UBP1: variants seen among roughly 807,000 people sequenced by gnomAD.
The protein encoded by UBP1 is upstream binding protein 1, also known as upstream-binding protein 1.
UBP1 carries 22 observed loss-of-function variants against 76.1 expected under a neutral mutation model. That is an observed-to-expected ratio of 0.29 (90% CI 0.21 to 0.41). The LOEUF is 0.41. Ranked by LOEUF, UBP1 falls within the 10% of genes least tolerant of loss-of-function variation. The pLI is 1.00. For synonymous variants in UBP1, 224 were observed against 237.1 expected (o/e 0.94, Z 0.51); for missense variants, 436 against 668.1 (o/e 0.65, Z 3.83).
Position 33,392,561 on chromosome 3 carries a change from ACCTTTT to A in UBP1, c.1581_1585+1del. The A allele has an allele frequency of 6.2e-7, 1 of 1,610,914 alleles. No individual in the cohort carries two copies. Among genetic ancestry groups the A allele is most frequent in the Admixed American group, 1.7e-5 (1 of 59,652 alleles). On this transcript the variant is annotated splice_donor_variant and coding_sequence_variant, in exon 15 of 16. Transcript: ENST00000283629. LOFTEE classifies it high-confidence loss of function. ...TTTAAGACACACACACATGCAAAGT[ACCTTTT>A]ACTGTGGAGAATAAAAAACAACTCT...
rs1275740052 is a variant in UBP1 at position 33,409,158 on chromosome 3, G to C, written c.819+78C>G. 4 of 1,372,610 alleles carry C rather than the reference G, an allele frequency of 2.9e-6. No individual in the cohort carries two copies. The African/African-American group carries it at 5.8e-5, about 20-fold the overall frequency. 85.0% of individuals were successfully genotyped at this position (1,372,610 alleles called of 1,614,324 possible). On this transcript the variant is annotated intron_variant, in intron 7 of 15. Transcript: ENST00000283629. ...CCACCCAATCTTCCCCAACCCTTTTGTAGCAGAACTCATCTTAGAAATAGA... is the reference window on the plus strand; with the variant it reads ...CCACCCAATCTTCCCCAACCCTTTTCTAGCAGAACTCATCTTAGAAATAGA...
In UBP1 at chr3:33,416,778, T is replaced by C; in HGVS notation, c.322A>G (p.Ile108Val). ...DNRKMGDMPE[I>V]NGKLVKSIIR... ...CTTACCTTTACTAATTTTCCATTGATCTCAGGCATATCACCCATTTTCCGA... is the reference window on the plus strand; with the variant it reads ...CTTACCTTTACTAATTTTCCATTGACCTCAGGCATATCACCCATTTTCCGA... Residue 108 changes from isoleucine to valine, a missense_variant, in exon 3 of 16, where the codon ATC becomes GTC. Coordinates refer to ENST00000283629, the MANE Select transcript of UBP1 (RefSeq NM_014517.5). The C allele has an allele frequency of 6.2e-7, 1 of 1,613,456 alleles. No individual in the cohort carries two copies. The highest frequency in any genetic ancestry group is 8.5e-7 in the Non-Finnish European group (1 of 1,179,538).
At chr3:33,425,996 A>AATATATATATATATATATAT (rs60739079) in intron 1 of UBP1, among the ~76,000 whole-genome samples, 3 of 55,138 alleles carry the variant, frequency 5.4e-5, no homozygotes, top group African/African-American at 8.6e-5. Flanking sequence ...GGCAGCTCTG[A>AATATATATATATATATATAT]ATATATATAT....
Position 33,440,099 on chromosome 3 carries a change from C to A in UBP1, c.-251G>T. 2.8e-6 allele frequency: 1 copy of A among 353,830 alleles called. No individual in the cohort carries two copies. The highest frequency in any genetic ancestry group is 4.2e-5 in the East Asian group (1 of 23,550). The allele number at this position is 353,830 out of a possible 1,614,324, so 21.9% of individuals were successfully genotyped here. A position where few individuals can be genotyped will look rare whatever the true frequency, so the allele number is the denominator to read the frequency against. On this transcript the variant is annotated 5_prime_UTR_variant, in exon 1 of 16. Coordinates refer to ENST00000283629, the MANE Select transcript of UBP1 (RefSeq NM_014517.5). Reference sequence around the variant, plus strand: ...CCCTCCCGCGGACACCGGCCCTGCGCCTCATGCCGGCGCCGCCGCCCAGCC... The same window carrying A: ...CCCTCCCGCGGACACCGGCCCTGCGACTCATGCCGGCGCCGCCGCCCAGCC...
At chr3:33,434,682 C>CG (rs781330940) in intron 1 of UBP1, among the ~76,000 whole-genome samples, 2 of 87,702 alleles carry the variant, frequency 2.3e-5, no homozygotes, top group Non-Finnish European at 4.5e-5. Flanking sequence ...AATGGTTTTA[C>CG]TTTTTTTTTT....
intron 15 of UBP1, chr3:33,391,277 C>T (rs952720971): frequency 6.6e-6 from 1 of 152,192 alleles, no homozygotes; most frequent in African/African-American, 2.4e-5. Context: ...GTGCTAAGAC[C>T]GGATTTGGAT....
chr3:33,409,465 T>TA lies in UBP1; in HGVS notation c.691_692insT (p.Gln231LeufsTer6). The TA allele has an allele frequency of 6.2e-7, 1 of 1,614,186 alleles. No individual in the cohort carries two copies. The highest frequency in any genetic ancestry group is 8.5e-7 in the Non-Finnish European group (1 of 1,180,028). On this transcript the variant is annotated frameshift_variant, in exon 6 of 16. Coordinates refer to ENST00000283629, the MANE Select transcript of UBP1 (RefSeq NM_014517.5). LOFTEE classifies it high-confidence loss of function. ...CTGTCTTACCTTAAAAACTTTGATTTGGCAGCTAGCTGAGTGTAGATGATC... is the reference window on the plus strand; with the variant it reads ...CTGTCTTACCTTAAAAACTTTGATTTAGGCAGCTAGCTGAGTGTAGATGATC...
chr3:33,394,115 C>G (rs2043873163), intron 13 of UBP1, among the ~76,000 whole-genome samples: 1 of 151,766 alleles, frequency 6.6e-6, no homozygotes, highest in Non-Finnish European at 1.5e-5. Context: ...CTCCCAGGCT[C>G]AAGCAATCCT....
In UBP1 at chr3:33,392,622, G is replaced by C; in HGVS notation, c.1534-8C>G. The C allele has an allele frequency of 6.2e-7, 1 of 1,608,034 alleles. No individual in the cohort carries two copies. Among genetic ancestry groups the C allele is most frequent in the African/African-American group, 1.3e-5 (1 of 74,784 alleles). ...TTGAAAATTCTGAACCATCTGGAAG[G>C]ATAAAGTAAATGCGTAAGTACAATT... On this transcript the variant is annotated splice_region_variant and splice_polypyrimidine_tract_variant and intron_variant, in intron 14 of 15. Transcript: ENST00000283629.
chr3:33,400,915 T>G, intron 10 of UBP1, 47 bp downstream of exon 10: 2 of 1,563,450 alleles, frequency 1.3e-6, no homozygotes, highest in Non-Finnish European at 1.7e-6. Context: ...AACTTTAAAA[T>G]GTAGAACCCT....
At chr3:33,419,673 C>G (rs551886466) in intron 2 of UBP1, among the ~76,000 whole-genome samples, 12 of 151,300 alleles carry the variant, frequency 7.9e-5, no homozygotes, top group Non-Finnish European at 1.5e-4. Context: ...CTCTATAACA[C>G]TTGCTACGCT....
Position 33,440,083 on chromosome 3 carries a change from G to T in UBP1, c.-235C>A, listed in dbSNP as rs1251934058. ...GCCGCCGGCAGCGCCACCCTCCCGC[G>T]GACACCGGCCCTGCGCCTCATGCCG... On this transcript the variant is annotated 5_prime_UTR_variant, in exon 1 of 16. Coordinates refer to ENST00000283629, the MANE Select transcript of UBP1 (RefSeq NM_014517.5). 4.5e-6 allele frequency: 2 copies of T among 446,912 alleles called. No individual in the cohort carries two copies. The highest frequency in any genetic ancestry group is 2.1e-5 in the African/African-American group (1 of 47,680). The allele number at this position is 446,912 out of a possible 1,614,324, so 27.7% of individuals were successfully genotyped here. A position where few individuals can be genotyped will look rare whatever the true frequency, so the allele number is the denominator to read the frequency against.
At chr3:33,426,171 A>G (rs1018268143) in intron 1 of UBP1, among the ~76,000 whole-genome samples, 11 of 151,772 alleles carry the variant, frequency 7.2e-5, no homozygotes, top group African/African-American at 2.7e-4. Flanking sequence ...GTCACACTTG[A>G]CACCATAGAA....
intron 8 of UBP1, among the ~76,000 whole-genome samples, chr3:33,404,383 G>A (rs2044357486): frequency 6.6e-6 from 1 of 151,958 alleles, no homozygotes; most frequent in East Asian, 1.9e-4. Flanking sequence ...TTGTACTCCA[G>A]CCTGGGTGAC....
intron 2 of UBP1, among the ~76,000 whole-genome samples, chr3:33,424,809 G>A (rs1246706409): frequency 6.6e-6 from 1 of 152,202 alleles, no homozygotes; most frequent in African/African-American, 2.4e-5. Flanking sequence ...ACTTTGGGAT[G>A]CCGAGGCAGG....
intron 8 of UBP1, among the ~76,000 whole-genome samples, chr3:33,407,962 T>G (rs1235838354): frequency 6.6e-6 from 1 of 152,222 alleles, no homozygotes; most frequent in Non-Finnish European, 1.5e-5. Context: ...AATAAAGATT[T>G]GCTATACTTA....
intron 4 of UBP1, among the ~76,000 whole-genome samples, chr3:33,412,212 A>C (rs981217360): frequency 6.7e-6 from 1 of 150,246 alleles, no homozygotes; most frequent in Non-Finnish European, 1.5e-5. Flanking sequence ...AAAAAGATAG[A>C]TGGTTTACAA....
At chr3:33,413,983 C>A (rs1442540086) in intron 3 of UBP1, among the ~76,000 whole-genome samples, 1 of 152,160 alleles carries the variant, frequency 6.6e-6, no homozygotes, top group African/African-American at 2.4e-5. Flanking sequence ...TTGTTCCATA[C>A]TCAGTAAGAA....
chr3:33,396,072 A>C, intron 13 of UBP1, 90 bp downstream of exon 13: 4 of 1,207,980 alleles, frequency 3.3e-6, no homozygotes, highest in Non-Finnish European at 4.6e-6. Flanking sequence ...TAACACAGCA[A>C]GAGTTCTCCA....
Sources: allele counts gnomAD v4.1 joint callset (sites outside exome capture counted in the v4.1 genomes callset), GRCh38; gene constraint gnomAD v4.1.1; transcripts MANE v1.5; gene names NCBI Gene and HGNC (gene_info 2026-07-23, HGNC 2026-07-21).